NCAM2: variants seen among roughly 807,000 people sequenced by gnomAD.
NCAM2 encodes the protein neural cell adhesion molecule 2.
Under a neutral mutation model 98.1 loss-of-function variants are expected in NCAM2, and 30 were observed. That is an observed-to-expected ratio of 0.31 (90% CI 0.23 to 0.41). The LOEUF is 0.41. NCAM2 is among the 10% of genes least tolerant of loss of function. The pLI, the probability that NCAM2 is intolerant of heterozygous loss-of-function variation, is 1.00. For synonymous variants in NCAM2, 368 were observed against 342.4 expected (o/e 1.07, Z -0.83); for missense variants, 867 against 1,005.8 (o/e 0.86, Z 1.87).
intron 1 of NCAM2, among the ~76,000 whole-genome samples, chr21:21,239,671 A>T (rs528548665): frequency 8.6e-5 from 13 of 150,502 alleles, no homozygotes; most frequent in South Asian, 2.1e-4. Flanking sequence ...AAAAGGTGGA[A>T]TTTTTTTTTT....
intron 1 of NCAM2, among the ~76,000 whole-genome samples, chr21:21,031,777 A>ATC: frequency 6.7e-6 from 1 of 148,740 alleles, no homozygotes; most frequent in Non-Finnish European, 1.5e-5. Context: ...CTCTCGATAT[A>ATC]TCTCTCTCTC....
At position 21,530,295 on chromosome 21, in the gene NCAM2, TA is replaced by T. The variant is rs1249377161; in HGVS notation, c.2283-4240del. On this transcript the variant is annotated intron_variant, in intron 16 of 17. Coordinates refer to ENST00000400546, the MANE Select transcript of NCAM2 (RefSeq NM_004540.5). ...ATATATAATTTAATTTAATTATATATAATTAAATTAAATTATATATAATTAA... is the reference window on the plus strand; with the variant it reads ...ATATATAATTTAATTTAATTATATATATTAAATTAAATTATATATAATTAA... 3.1e-5 allele frequency among the ~76,000 whole-genome samples: 3 copies of T among 98,028 alleles called. 1 individual carries two copies. The highest frequency in any genetic ancestry group is 6.0e-5 in the Non-Finnish European group (3 of 49,712). 64.3% of individuals were successfully genotyped at this position (98,028 alleles called of 152,430 possible).
rs77925882 is a variant in NCAM2, at chr21:21,064,795, C to T, written c.55+66177C>T. On this transcript the variant is annotated intron_variant, in intron 1 of 17. Transcript: ENST00000400546. ...CATATGGGACTGCTACTATATTTTT[C>T]AGTGTGTAAACCTAGATGTCAAATG... Among the ~76,000 whole-genome samples, 733 of 152,246 alleles carry T rather than the reference C, an allele frequency of 4.8e-3. 20 individuals carry two copies. The highest frequency in any genetic ancestry group is 0.014 in the East Asian group (72 of 5,182).
chr21:21,280,274 T>C (rs1431985134), intron 1 of NCAM2, among the ~76,000 whole-genome samples: 1 of 152,156 alleles, frequency 6.6e-6, no homozygotes, highest in East Asian at 1.9e-4. Context: ...GTCACACATA[T>C]AAGACCTAAT....
chr21:21,018,190 C>G (rs551309235), intron 1 of NCAM2, among the ~76,000 whole-genome samples: 19 of 152,304 alleles, frequency 1.2e-4, no homozygotes, highest in Admixed American at 1.2e-3. Flanking sequence ...CCTTGTTACA[C>G]AAAACGAAGA....
chr21:21,177,389 G>GT (rs2068329271), intron 1 of NCAM2, among the ~76,000 whole-genome samples: 1 of 182 alleles, frequency 5.5e-3, no homozygotes, highest in Non-Finnish European at 0.011. Flanking sequence ...TGCATTTGCA[G>GT]ATGTCTAGAA....
intron 11 of NCAM2, among the ~76,000 whole-genome samples, chr21:21,419,305 CTTTTT>C (rs34109924): frequency 0.021 from 2,124 of 99,928 alleles, 63 homozygotes; most frequent in East Asian, 0.16. Context: ...AAATAGGGAA[CTTTTT>C]TTTTTTTTTT....
intron 1 of NCAM2, among the ~76,000 whole-genome samples, chr21:21,228,772 A>T (rs1183162972): frequency 6.6e-6 from 1 of 151,470 alleles, no homozygotes; most frequent in East Asian, 1.9e-4. Context: ...AGGAGAAGGG[A>T]TGGCAGTTGG....
chr21:21,411,069 TACAC>T (rs1555889864), intron 10 of NCAM2, among the ~76,000 whole-genome samples: 1 of 32,796 alleles, frequency 3.0e-5, no homozygotes, highest in African/African-American at 1.1e-4. Context: ...TATATATATA[TACAC>T]ACACATATAT....
chr21:21,150,671 A>G lies in NCAM2; in HGVS notation c.56-129907A>G, dbSNP rs28472811. Among the ~76,000 whole-genome samples the G allele has an allele frequency of 4.4e-3, 663 of 152,108 alleles. 7 individuals carry two copies. The highest frequency in any genetic ancestry group is 0.015 in the African/African-American group (634 of 41,538). ...CCATTCTTGGGATAAATCCAGCTTC[A>G]TCATGATATTGTCTGTGGTATATAT... On this transcript the variant is annotated intron_variant, in intron 1 of 17. Coordinates refer to ENST00000400546, the MANE Select transcript of NCAM2 (RefSeq NM_004540.5).
chr21:21,499,398 C>A (rs550420553), intron 15 of NCAM2, among the ~76,000 whole-genome samples: 4 of 152,024 alleles, frequency 2.6e-5, no homozygotes. Flanking sequence ...CGTGCCACCA[C>A]GCCCAGTTAA....
chr21:21,328,474 T>G (rs1310174352), intron 6 of NCAM2, among the ~76,000 whole-genome samples: 2 of 151,948 alleles, frequency 1.3e-5, no homozygotes, highest in Non-Finnish European at 2.9e-5. Flanking sequence ...ATGCCTGTTA[T>G]TGCCCCCAAA....
chr21:21,178,696 T>G (rs1013099765), intron 1 of NCAM2, among the ~76,000 whole-genome samples: 22 of 151,896 alleles, frequency 1.4e-4, no homozygotes, highest in Non-Finnish European at 2.8e-4. Flanking sequence ...TATATTAAAT[T>G]ATATAAGCTT....
At chr21:21,112,899 G>C (rs866509283) in intron 1 of NCAM2, among the ~76,000 whole-genome samples, 2 of 152,176 alleles carry the variant, frequency 1.3e-5, no homozygotes, top group African/African-American at 4.8e-5. Flanking sequence ...GGCTTCGTAG[G>C]ATTGGTAAGA....
At position 21,091,844 on chromosome 21, in the gene NCAM2, A is replaced by T. The variant is rs537214789; in HGVS notation, c.55+93226A>T. Among the ~76,000 whole-genome samples the T allele has an allele frequency of 7.9e-5, 12 of 152,272 alleles. No homozygotes were observed. In the South Asian group the frequency reaches 2.1e-3, roughly 26 times the overall value. On this transcript the variant is annotated intron_variant, in intron 1 of 17. Coordinates refer to ENST00000400546, the MANE Select transcript of NCAM2 (RefSeq NM_004540.5). ...CAATATTAGAAAATAGTTTTTTTAA[A>T]AAATACTCTTCCTTTGACTTTTTTT...
rs763582962 is a variant in NCAM2, at chr21:21,003,751, C to T, written c.55+5133C>T. Among the ~76,000 whole-genome samples the T allele has an allele frequency of 7.2e-5, 11 of 152,104 alleles. No individual in the cohort carries two copies. The South Asian group carries it at 1.0e-3, about 14-fold the overall frequency. ...AGATTACTTAAGTTATTGATAAGGG[C>T]GACTCATTCATCATTTATTCATTTA... On this transcript the variant is annotated intron_variant, in intron 1 of 17. Transcript: ENST00000400546.
intron 1 of NCAM2, among the ~76,000 whole-genome samples, chr21:21,169,052 T>A (rs890444331): frequency 1.3e-5 from 2 of 152,174 alleles, no homozygotes; most frequent in Non-Finnish European, 2.9e-5. Flanking sequence ...ACTATCTATC[T>A]GCAGTACAGA....
chr21:21,124,002 C>G (rs577429577), intron 1 of NCAM2, among the ~76,000 whole-genome samples: 8 of 151,892 alleles, frequency 5.3e-5, no homozygotes, highest in Non-Finnish European at 1.0e-4. Flanking sequence ...CGCCCGCCAG[C>G]ACGCCCAGCT....
chr21:21,315,570 T>C (rs17805372), intron 5 of NCAM2, among the ~76,000 whole-genome samples: 3,530 of 152,232 alleles, frequency 0.023, 59 homozygotes, highest in Non-Finnish European at 0.032. Context: ...TCTCAGAGAA[T>C]TGGGTGTTTG....
Sources: gnomAD v4.1 joint callset for allele counts (sites outside exome capture counted in the v4.1 genomes callset) on GRCh38, gnomAD v4.1.1 for gene constraint, MANE v1.5 for transcripts, NCBI Gene and HGNC (gene_info 2026-07-23, HGNC 2026-07-21) for gene names.